Variants in BNC2 observed in about 807,000 individuals in gnomAD.
BNC2 encodes basonuclin zinc finger protein 2.
In BNC2, 20 loss-of-function variants were observed where a neutral mutation model predicts 76.3. The ratio of observed to expected loss-of-function variants is 0.26; its 90% CI spans 0.18 to 0.38. The LOEUF is 0.38. Ranked by LOEUF, BNC2 falls within the 10% of genes least tolerant of loss-of-function variation. The pLI, the probability that BNC2 is intolerant of heterozygous loss-of-function variation, is 1.00. For synonymous variants in BNC2, 582 were observed against 514.8 expected, an observed-to-expected ratio of 1.13 and a Z score of -1.77; for missense variants, 1,382 against 1,399.8, an observed-to-expected ratio of 0.99 and a Z score of 0.20.
chr9:16,664,869 A>G (rs1469975492), intron 3 of BNC2, among the ~76,000 whole-genome samples: 2 of 20,318 alleles, frequency 9.8e-5, no homozygotes, highest in Non-Finnish European at 2.5e-4. Flanking sequence ...CTTCACCTAT[A>G]CCATAAGCAT....
At chr9:16,653,075 A>T (rs1821836751) in intron 3 of BNC2, among the ~76,000 whole-genome samples, 1 of 152,196 alleles carries the variant, frequency 6.6e-6, no homozygotes, top group South Asian at 2.1e-4. Flanking sequence ...TTTTTAGTTT[A>T]AAATTACCTG....
rs183393911 is a variant in BNC2 at position 16,859,782 on chromosome 9, T to G, written c.3+10864A>C. Among the ~76,000 whole-genome samples, 196 of 152,328 alleles carry G rather than the reference T, an allele frequency of 1.3e-3. 1 individual carries two copies. Among genetic ancestry groups the G allele is most frequent in the Admixed American group, 4.8e-3 (74 of 15,298 alleles). The stretch of plus-strand genomic sequence containing the variant: ...GAATGAAAATGTTCTAGAGATCTGC[T>G]GTACGTTAAGTTACAGAAAACACTA... On this transcript the variant is annotated intron_variant, in intron 1 of 6. Coordinates refer to ENST00000380672, the MANE Select transcript of BNC2 (RefSeq NM_017637.6).
chr9:16,726,488 T>A (rs552157873), intron 3 of BNC2, among the ~76,000 whole-genome samples: 1 of 151,868 alleles, frequency 6.6e-6, no homozygotes, highest in South Asian at 2.1e-4. Context: ...GTTTTTTTTT[T>A]ATTATCAACA....
chr9:16,506,189 C>T (rs544079256), intron 5 of BNC2, among the ~76,000 whole-genome samples: 4 of 152,236 alleles, frequency 2.6e-5, no homozygotes, highest in Admixed American at 6.5e-5. Context: ...AAAAAAAATA[C>T]TGAGTTCCAC....
chr9:16,821,686 G>T (rs1163449401), intron 1 of BNC2, among the ~76,000 whole-genome samples: 1 of 152,132 alleles, frequency 6.6e-6, no homozygotes, highest in African/African-American at 2.4e-5. Flanking sequence ...GGTGGCTCAT[G>T]CCTGTAATCC....
At chr9:16,554,515 T>G (rs557077699) in intron 4 of BNC2, among the ~76,000 whole-genome samples, 9 of 152,314 alleles carry the variant, frequency 5.9e-5, no homozygotes, top group Admixed American at 3.9e-4. Flanking sequence ...TTCTAGTGGT[T>G]AAGTCAACTT....
intron 1 of BNC2, among the ~76,000 whole-genome samples, chr9:16,842,470 C>G (rs1818857072): frequency 6.6e-6 from 1 of 151,994 alleles, no homozygotes; most frequent in Non-Finnish European, 1.5e-5. Flanking sequence ...GTAAAAGATG[C>G]TAAGGGCTGG....
chr9:16,644,017 C>A (rs1246539225), intron 3 of BNC2, among the ~76,000 whole-genome samples: 1 of 152,048 alleles, frequency 6.6e-6, no homozygotes, highest in Non-Finnish European at 1.5e-5. Context: ...CCCAAGAGAA[C>A]CTTAGAAGAG....
At chr9:16,662,210 T>C (rs1822129368) in intron 3 of BNC2, among the ~76,000 whole-genome samples, 1 of 152,250 alleles carries the variant, frequency 6.6e-6, no homozygotes, top group South Asian at 2.1e-4. Context: ...GTCCTCTAAA[T>C]GGTAGATGAT....
At chr9:16,516,755 A>G (rs1817455865) in intron 5 of BNC2, among the ~76,000 whole-genome samples, 1 of 152,238 alleles carries the variant, frequency 6.6e-6, no homozygotes, top group Non-Finnish European at 1.5e-5. Flanking sequence ...TCTTAATAAA[A>G]AAGTGAATAA....
intron 1 of BNC2, among the ~76,000 whole-genome samples, chr9:16,828,440 T>C (rs1027619808): frequency 3.3e-5 from 5 of 152,204 alleles, no homozygotes; most frequent in African/African-American, 1.2e-4. Context: ...ATACTGTCTC[T>C]TTAAGTTACA....
intron 1 of BNC2, among the ~76,000 whole-genome samples, chr9:16,815,088 G>A (rs1341214203): frequency 5.3e-5 from 8 of 152,102 alleles, no homozygotes; most frequent in Non-Finnish European, 7.4e-5. Flanking sequence ...ACTTACACTC[G>A]TTTGACCAGC....
intron 4 of BNC2, among the ~76,000 whole-genome samples, chr9:16,580,440 T>C (rs529997779): frequency 7.2e-5 from 11 of 152,122 alleles, no homozygotes; most frequent in Admixed American, 1.3e-4. Context: ...CCTAGAAACA[T>C]AGAATTTTTA....
At chr9:16,521,148 C>T (rs1399038520) in intron 5 of BNC2, among the ~76,000 whole-genome samples, 1 of 152,094 alleles carries the variant, frequency 6.6e-6, no homozygotes, top group East Asian at 1.9e-4. Context: ...GGCTAGCCTG[C>T]CCTGGGAGTT....
intron 3 of BNC2, 27 bp from the exon 4 acceptor site, chr9:16,583,112 T>C (rs1288551333): frequency 6.4e-7 from 1 of 1,565,424 alleles, no homozygotes; most frequent in Non-Finnish European, 8.8e-7. Context: ...GAAAAAAAGG[T>C]CAGCATCTGT....
chr9:16,508,839 T>C, intron 5 of BNC2, among the ~76,000 whole-genome samples: 1 of 149,306 alleles, frequency 6.7e-6, no homozygotes. Context: ...TTTTTTCTTT[T>C]TAGGACATTG....
intron 4 of BNC2, chr9:16,580,013 G>A (rs1465923458): frequency 7.5e-6 from 3 of 397,946 alleles, no homozygotes; most frequent in Middle Eastern, 6.2e-4. Flanking sequence ...CATTTCAGAG[G>A]AAAATTACAC....
chr9:16,484,801 G>C (rs908847853), intron 5 of BNC2, among the ~76,000 whole-genome samples: 1 of 152,118 alleles, frequency 6.6e-6, no homozygotes, highest in African/African-American at 2.4e-5. Flanking sequence ...AACCTAAGAT[G>C]AACAAAAGCA....
intron 3 of BNC2, among the ~76,000 whole-genome samples, chr9:16,603,191 T>C (rs767115987): frequency 2.6e-5 from 4 of 152,206 alleles, no homozygotes; most frequent in Non-Finnish European, 5.9e-5. Context: ...AGTCAGGCAC[T>C]GCAAACAGAA....
Sources: allele counts gnomAD v4.1 joint callset (sites outside exome capture counted in the v4.1 genomes callset), GRCh38; gene constraint gnomAD v4.1.1; transcripts MANE v1.5; gene names NCBI Gene and HGNC (gene_info 2026-07-23, HGNC 2026-07-21).